Variants in RBPJ observed in about 807,000 individuals in gnomAD.
The protein encoded by RBPJ is recombination signal binding protein for immunoglobulin kappa J region, also known as recombining binding protein suppressor of hairless.
Under a neutral mutation model 67.8 loss-of-function variants are expected in RBPJ, and 9 were observed. The ratio of observed to expected loss-of-function variants is 0.13; its 90% CI spans 0.08 to 0.23. The LOEUF (loss-of-function observed/expected upper bound fraction) is 0.23, where lower values mean the gene tolerates loss of function less well. Among genes scored for constraint, RBPJ ranks in the 10% least tolerant of loss-of-function variants. RBPJ has a pLI of 1.00. For synonymous variants in RBPJ, 198 were observed against 203.3 expected, an observed-to-expected ratio of 0.97 and a Z score of 0.22; for missense variants, 305 against 595.6, an observed-to-expected ratio of 0.51 and a Z score of 5.08.
intron 1 of RBPJ, among the ~76,000 whole-genome samples, chr4:26,236,331 A>T (rs924818415): frequency 6.6e-6 from 1 of 152,180 alleles, no homozygotes; most frequent in Non-Finnish European, 1.5e-5. Flanking sequence ...TCCTGCTTGT[A>T]ACAAGTCGCT....
rs570824797 is a variant in RBPJ, at chr4:26,379,194, T to G, written c.21-7159T>G. On this transcript the variant is annotated intron_variant, in intron 1 of 10. Transcript: ENST00000355476. ...TGTGGGTTTTTTTGTTTTTGTTTTT[T>G]TTTGCCACCAGGTCTCACTCTGTTG... is the stretch of plus-strand genomic sequence containing the variant. Among the ~76,000 whole-genome samples, 73 of 152,078 alleles carry G rather than the reference T, an allele frequency of 4.8e-4. 1 individual carries two copies. Among genetic ancestry groups the G allele is most frequent in the Admixed American group, 3.4e-3 (52 of 15,260 alleles).
At chr4:26,201,044 A>G (rs1419195287) in intron 1 of RBPJ, among the ~76,000 whole-genome samples, 2 of 152,172 alleles carry the variant, frequency 1.3e-5, no homozygotes, top group South Asian at 2.1e-4. Context: ...TCCATTCACC[A>G]TCTCTTACTC....
chr4:26,255,320 C>T (rs1413812233), intron 1 of RBPJ, among the ~76,000 whole-genome samples: 4 of 116,158 alleles, frequency 3.4e-5, no homozygotes, highest in Admixed American at 9.9e-5. Context: ...AGGAGAATGG[C>T]GTGAACCCAG....
intron 1 of RBPJ, among the ~76,000 whole-genome samples, chr4:26,337,615 G>T (rs530993621): frequency 9.5e-4 from 139 of 146,030 alleles, no homozygotes; most frequent in Admixed American, 2.3e-3. Flanking sequence ...TGGAATCACT[G>T]TTTTTTCCAT....
At chr4:26,145,688 C>T in the RBPJ span, among the ~76,000 whole-genome samples, 1 of 152,076 alleles carries the variant, frequency 6.6e-6, no homozygotes. Context: ...TGTCTTTTAA[C>T]CATTGATAAA....
chr4:26,233,487 A>G (rs1182633082), intron 1 of RBPJ, among the ~76,000 whole-genome samples: 1 of 152,180 alleles, frequency 6.6e-6, no homozygotes, highest in Non-Finnish European at 1.5e-5. Flanking sequence ...TTTCGTTAAG[A>G]TGTTGCCTTG....
At chr4:26,342,843 G>A (rs6857982) in intron 1 of RBPJ, among the ~76,000 whole-genome samples, 2,025 of 152,254 alleles carry the variant, frequency 0.013, 54 homozygotes, top group African/African-American at 0.046. Context: ...GGGAGCTTAG[G>A]AAAATGGTTC....
chr4:26,294,503 G>A (rs1033922021), intron 1 of RBPJ, among the ~76,000 whole-genome samples: 2 of 152,136 alleles, frequency 1.3e-5, no homozygotes, highest in Admixed American at 6.5e-5. Context: ...AGTAGAGGTC[G>A]GGAGAAGCAG....
chr4:26,185,936 C>T (rs1717235233), intron 1 of RBPJ, among the ~76,000 whole-genome samples: 1 of 152,098 alleles, frequency 6.6e-6, no homozygotes, highest in Admixed American at 6.5e-5. Context: ...ATCCCAGCTA[C>T]TTAGGAGGCT....
At chr4:26,340,865 AAC>A in intron 1 of RBPJ, among the ~76,000 whole-genome samples, 1 of 151,632 alleles carries the variant, frequency 6.6e-6, no homozygotes, top group South Asian at 2.1e-4. Context: ...CTCAAAAAAA[AAC>A]AAAAGAAAAA....
At chr4:26,335,274 T>C (rs6448452) in intron 1 of RBPJ, among the ~76,000 whole-genome samples, 134,260 of 151,966 alleles carry the variant, frequency 0.88, 59,591 homozygotes, top group African/African-American at 0.97. Context: ...CTCCGCCTCC[T>C]GGGTTCAAGT....
intron 1 of RBPJ, among the ~76,000 whole-genome samples, chr4:26,191,224 G>T (rs1249554357): frequency 4.0e-5 from 5 of 123,602 alleles, no homozygotes; most frequent in East Asian, 4.4e-4. Flanking sequence ...GAGAGAGAGA[G>T]AGAGAGAGAG....
the RBPJ span, among the ~76,000 whole-genome samples, chr4:26,111,384 G>A: frequency 6.6e-6 from 1 of 152,210 alleles, no homozygotes; most frequent in East Asian, 1.9e-4. Flanking sequence ...GAAATGCCCA[G>A]CACCCTCATG....
At chr4:26,288,165 A>C (rs1234418655) in intron 1 of RBPJ, among the ~76,000 whole-genome samples, 1 of 152,234 alleles carries the variant, frequency 6.6e-6, no homozygotes, top group African/African-American at 2.4e-5. Context: ...TAGGAGCTTA[A>C]GGCAAGAATA....
At chr4:26,190,573 G>T (rs914435892) in intron 1 of RBPJ, among the ~76,000 whole-genome samples, 1 of 152,168 alleles carries the variant, frequency 6.6e-6, no homozygotes, top group African/African-American at 2.4e-5. Flanking sequence ...AACCTGCAGG[G>T]ACATGCATGC....
rs1374377502 is a variant in RBPJ at position 26,410,158 on chromosome 4, G to C, written c.155+3888G>C. 4.7e-5 allele frequency: 18 copies of C among 382,350 alleles called. No homozygotes were observed. In the Admixed American group the frequency reaches 5.7e-4, roughly 12 times the overall value. 23.7% of individuals were successfully genotyped at this position (382,350 alleles called of 1,614,324 possible). On this transcript the variant is annotated intron_variant, in intron 3 of 10. Coordinates refer to ENST00000355476, the MANE Select transcript of RBPJ (RefSeq NM_015874.6). ...TTGGTGGTGGAGTGCACAGTGGGAA[G>C]AGGATCTGTCTTCTTTCTTGCCGAT... is the stretch of plus-strand genomic sequence containing the variant.
rs1577687311 is a variant in RBPJ at position 26,433,634 on chromosome 4, A to C, written c.*2627A>C. 1 of 152,312 alleles carries C rather than the reference A, an allele frequency of 6.6e-6. No individual in the cohort carries two copies. Among genetic ancestry groups the C allele is most frequent in the East Asian group, 1.9e-4 (1 of 5,186 alleles). 9.4% of individuals were successfully genotyped at this position (152,312 alleles called of 1,614,324 possible). A position where few individuals can be genotyped will look rare whatever the true frequency, so the allele number is the denominator to read the frequency against. On this transcript the variant is annotated 3_prime_UTR_variant, in exon 11 of 11. Transcript: ENST00000355476. ...TTTTGAAAAGTCCAAGAATGTACTTATACAGGCATTTTTCCCCACCTATTT... is the reference window on the plus strand; with the variant it reads ...TTTTGAAAAGTCCAAGAATGTACTTCTACAGGCATTTTTCCCCACCTATTT...
intron 1 of RBPJ, among the ~76,000 whole-genome samples, chr4:26,240,069 C>T (rs945277839): frequency 6.6e-6 from 1 of 152,160 alleles, no homozygotes; most frequent in African/African-American, 2.4e-5. Flanking sequence ...AGCAAAACTT[C>T]CCTGTCATTC....
At chr4:26,315,167 A>ATATATATAT (rs1553860769), upstream of RBPJ, among the ~76,000 whole-genome samples, 1 of 74,776 alleles carries the variant, frequency 1.3e-5, no homozygotes, top group African/African-American at 6.7e-5. Context: ...AAAAAAAAAA[A>ATATATATAT]ATATATATAT....
Sources: allele counts gnomAD v4.1 joint callset (sites outside exome capture counted in the v4.1 genomes callset), GRCh38; gene constraint gnomAD v4.1.1; transcripts MANE v1.5; gene names NCBI Gene and HGNC (gene_info 2026-07-23, HGNC 2026-07-21).